Variants in FHIP1A observed in about 807,000 individuals in gnomAD.
FHIP1A encodes FHF complex subunit HOOK-interacting protein 1A.
In FHIP1A, 61 loss-of-function variants were observed where a neutral mutation model predicts 88.6. That is an observed-to-expected ratio of 0.69 (90% CI 0.56 to 0.85). The LOEUF is 0.85. FHIP1A is among the 40% of genes least tolerant of loss of function. The pLI is 0.00. For synonymous variants in FHIP1A, 478 were observed against 496.0 expected, an observed-to-expected ratio of 0.96 and a Z score of 0.48; for missense variants, 1,154 against 1,273.5, an observed-to-expected ratio of 0.91 and a Z score of 1.43.
rs1735364694 is a variant in FHIP1A, at chr4:151,612,545, T to C, written c.979-17157T>C. Among the ~76,000 whole-genome samples, 4 of 152,212 alleles carry C rather than the reference T, an allele frequency of 2.6e-5. No individual in the cohort carries two copies. The South Asian group carries it at 8.3e-4, about 31-fold the overall frequency. On this transcript the variant is annotated intron_variant, in intron 7 of 13. Transcript: ENST00000435205. ...ACAAGTGTGCACCACTACGCCTGGC[T>C]AACTTTTTGTGTTTTTAGTAGAAAT...
intron 2 of FHIP1A, among the ~76,000 whole-genome samples, chr4:151,465,609 A>G (rs1418069225): frequency 6.6e-6 from 1 of 152,252 alleles, no homozygotes; most frequent in African/African-American, 2.4e-5. Context: ...ATCAATATCC[A>G]TGCGAAAATC....
At position 151,656,107 on chromosome 4, in the gene FHIP1A, G is replaced by A. The variant is rs1024326286; in HGVS notation, c.2552-125G>A. The A allele has an allele frequency of 3.0e-6, 2 of 675,290 alleles. No individual in the cohort carries two copies. 41.8% of individuals were successfully genotyped at this position (675,290 alleles called of 1,614,324 possible). ...AGGAGAAAACGTGGCCATATTTGCT[G>A]TGTCTGGCTTGCACCTGTGGGCCCA... On this transcript the variant is annotated intron_variant, in intron 11 of 13. Coordinates refer to ENST00000435205, the MANE Select transcript of FHIP1A (RefSeq NM_001109977.3). The surrounding 1 kb of genome is among the most constrained non-coding windows in gnomAD (Gnocchi z 4.2).
chr4:151,488,835 G>C (rs1486476465), intron 3 of FHIP1A, among the ~76,000 whole-genome samples: 2 of 152,172 alleles, frequency 1.3e-5, no homozygotes, highest in Non-Finnish European at 2.9e-5. Flanking sequence ...AAGGACAAAT[G>C]AATATTTAAA....
At chr4:151,461,726 G>A (rs1353336276) in intron 2 of FHIP1A, among the ~76,000 whole-genome samples, 1 of 152,224 alleles carries the variant, frequency 6.6e-6, no homozygotes, top group Non-Finnish European at 1.5e-5. Context: ...GACATTGAAG[G>A]AAGTGGAAGA....
intron 7 of FHIP1A, among the ~76,000 whole-genome samples, chr4:151,623,957 G>A (rs868342095): frequency 4.3e-4 from 65 of 152,234 alleles, no homozygotes; most frequent in African/African-American, 1.4e-3. Flanking sequence ...TTTGCCTTCT[G>A]CTTACAACAG....
chr4:151,604,119 A>C (rs1453322776), intron 7 of FHIP1A, among the ~76,000 whole-genome samples: 4 of 151,822 alleles, frequency 2.6e-5, no homozygotes, highest in Admixed American at 2.6e-4. Flanking sequence ...TCTGCTTGGA[A>C]CATTCTCTTC....
chr4:151,662,481 G>A lies in FHIP1A; in HGVS notation c.2870-20G>A. 6.6e-7 allele frequency: 1 copy of A among 1,506,948 alleles called. No individual in the cohort carries two copies. Among genetic ancestry groups the A allele is most frequent in the Non-Finnish European group, 8.9e-7 (1 of 1,122,248 alleles). The allele number at this position is 1,506,948 out of a possible 1,614,324, so 93.3% of individuals were successfully genotyped here. ...GAAGGCTATGGAGGGACACCATGATGGTTTTCTTTCTGCTTTCAGATCCCA... is the reference window on the plus strand; with the variant it reads ...GAAGGCTATGGAGGGACACCATGATAGTTTTCTTTCTGCTTTCAGATCCCA... On this transcript the variant is annotated intron_variant, in intron 13 of 13. Coordinates refer to ENST00000435205, the MANE Select transcript of FHIP1A (RefSeq NM_001109977.3).
chr4:151,570,931 G>A (rs1386303156), intron 4 of FHIP1A, among the ~76,000 whole-genome samples: 1 of 152,140 alleles, frequency 6.6e-6, no homozygotes, highest in Non-Finnish European at 1.5e-5. Flanking sequence ...TTTTATAGTA[G>A]TCTATTAGAA....
At chr4:151,427,185 G>T (rs549761652) in intron 1 of FHIP1A, among the ~76,000 whole-genome samples, 4 of 152,010 alleles carry the variant, frequency 2.6e-5, no homozygotes, top group Non-Finnish European at 5.9e-5. Flanking sequence ...TAATGCTTAG[G>T]TTGTGACTTA....
At chr4:151,526,316 A>G (rs1302136107) in intron 3 of FHIP1A, among the ~76,000 whole-genome samples, 1 of 151,534 alleles carries the variant, frequency 6.6e-6, no homozygotes, top group African/African-American at 2.4e-5. Flanking sequence ...GGAGCTCCTC[A>G]CTTCCCAGTA....
At chr4:151,553,365 A>G (rs1288167947) in intron 3 of FHIP1A, among the ~76,000 whole-genome samples, 1 of 152,198 alleles carries the variant, frequency 6.6e-6, no homozygotes, top group East Asian at 1.9e-4. Flanking sequence ...TGTATTATTG[A>G]TCAGTATCTG....
At position 151,535,237 on chromosome 4, in the gene FHIP1A, TC is replaced by T. The variant is rs1437207076; in HGVS notation, c.-122-30899del. Among the ~76,000 whole-genome samples the T allele has an allele frequency of 3.3e-5, 5 of 152,150 alleles. No individual in the cohort carries two copies. In the East Asian group the frequency reaches 9.7e-4, roughly 29 times the overall value. On this transcript the variant is annotated intron_variant, in intron 3 of 13. Transcript: ENST00000435205. Reference sequence around the variant, plus strand: ...TCTCAAAGGGAAAAATAAAGGAAATTCCTTGCACAGTGTTTATGACACTGAA... The same window carrying T: ...TCTCAAAGGGAAAAATAAAGGAAATTCTTGCACAGTGTTTATGACACTGAA...
At chr4:151,423,013 A>G (rs923792155) in intron 1 of FHIP1A, among the ~76,000 whole-genome samples, 1 of 152,050 alleles carries the variant, frequency 6.6e-6, no homozygotes, top group Non-Finnish European at 1.5e-5. Flanking sequence ...AGAGTGATCA[A>G]TAACTATTAG....
intron 3 of FHIP1A, among the ~76,000 whole-genome samples, chr4:151,551,335 T>G (rs1732722787): frequency 6.6e-6 from 1 of 152,152 alleles, no homozygotes. Flanking sequence ...AAAAACTACT[T>G]TAAAGTTCAT....
At chr4:151,460,584 GC>G (rs1729113362) in intron 2 of FHIP1A, among the ~76,000 whole-genome samples, 1 of 152,200 alleles carries the variant, frequency 6.6e-6, no homozygotes, top group Non-Finnish European at 1.5e-5. Flanking sequence ...GATTGTATCA[GC>G]TATTTTGAGT....
intron 7 of FHIP1A, among the ~76,000 whole-genome samples, chr4:151,593,140 G>A (rs1213674407): frequency 6.6e-6 from 1 of 152,138 alleles, no homozygotes; most frequent in Non-Finnish European, 1.5e-5. Flanking sequence ...TTTGGTACCA[G>A]TACCCTGCTG....
At chr4:151,475,074 G>C (rs1206379367) in intron 2 of FHIP1A, among the ~76,000 whole-genome samples, 3 of 152,210 alleles carry the variant, frequency 2.0e-5, no homozygotes, top group Admixed American at 6.5e-5. Flanking sequence ...TTTAGTTTCA[G>C]CTGTGCTTCT....
chr4:151,419,859 C>T (rs1199630395), intron 1 of FHIP1A, among the ~76,000 whole-genome samples: 4 of 4,446 alleles, frequency 9.0e-4, no homozygotes, highest in African/African-American at 3.9e-3. Context: ...TTTGTTCTTG[C>T]GATAGTTTAC....
intron 5 of FHIP1A, among the ~76,000 whole-genome samples, chr4:151,582,742 A>C (rs1734071536): frequency 6.6e-6 from 1 of 152,232 alleles, no homozygotes; most frequent in Admixed American, 6.5e-5. Context: ...GAATAAATAG[A>C]ATGTTTTGCA....
Sources: allele counts gnomAD v4.1 joint callset (sites outside exome capture counted in the v4.1 genomes callset), GRCh38; gene constraint gnomAD v4.1.1; non-coding constraint Gnocchi (gnomAD v3.1); transcripts MANE v1.5; gene names NCBI Gene and HGNC (gene_info 2026-07-23, HGNC 2026-07-21).